LIMCH1: variants seen among roughly 807,000 people sequenced by gnomAD.
The protein encoded by LIMCH1 is LIM and calponin homology domains-containing protein 1.
Under a neutral mutation model 176.5 loss-of-function variants are expected in LIMCH1, and 113 were observed. That is an observed-to-expected ratio of 0.64 (90% CI 0.55 to 0.75). The LOEUF (loss-of-function observed/expected upper bound fraction) is 0.75. Among genes scored for constraint, LIMCH1 ranks in the 30% least tolerant of loss-of-function variants. The pLI is 0.00. For missense variants in LIMCH1, 1,674 were observed against 1,814.9 expected, an observed-to-expected ratio of 0.92 and a Z score of 1.41; for synonymous variants, 619 against 645.9, an observed-to-expected ratio of 0.96 and a Z score of 0.63.
chr4:41,679,109 A>G (rs958809537), intron 23 of LIMCH1, among the ~76,000 whole-genome samples: 1 of 152,210 alleles, frequency 6.6e-6, no homozygotes, highest in Admixed American at 6.5e-5. Flanking sequence ...TGGCTTCCCC[A>G]TGAAGACAGA....
chr4:41,612,888 G>A (rs1313324022), intron 4 of LIMCH1: 31 of 1,221,716 alleles, frequency 2.5e-5, no homozygotes, highest in South Asian at 3.9e-5. Flanking sequence ...GCCTCAGAAA[G>A]ACAGCTCCCT....
chr4:41,413,286 T>C (rs2059647697), intron 1 of LIMCH1, among the ~76,000 whole-genome samples: 5 of 151,590 alleles, frequency 3.3e-5, no homozygotes, highest in African/African-American at 7.3e-5. Context: ...AGTTACCTTA[T>C]GGCCAAATGG....
intron 18 of LIMCH1, among the ~76,000 whole-genome samples, chr4:41,654,073 AAAAAT>A (rs1421360397): frequency 6.6e-6 from 1 of 152,230 alleles, no homozygotes; most frequent in East Asian, 1.9e-4. Flanking sequence ...TTGGTAGGAA[AAAAAT>A]GTTCATAAAG....
chr4:41,376,311 T>C (rs73232186), intron 1 of LIMCH1, among the ~76,000 whole-genome samples: 3,207 of 152,338 alleles, frequency 0.021, 51 homozygotes, highest in Non-Finnish European at 0.033. Flanking sequence ...ATTTGTGTTT[T>C]TAAAGTGTAG....
At chr4:41,622,145 CT>C (rs1006407231) in intron 7 of LIMCH1, among the ~76,000 whole-genome samples, 8 of 151,966 alleles carry the variant, frequency 5.3e-5, no homozygotes, top group African/African-American at 1.9e-4. Flanking sequence ...GTAATAAAAT[CT>C]TTTTTTAAAA....
At chr4:41,476,858 ATTG>A (rs780741322) in intron 1 of LIMCH1, among the ~76,000 whole-genome samples, 38 of 152,342 alleles carry the variant, frequency 2.5e-4, no homozygotes, top group Non-Finnish European at 5.0e-4. Context: ...CCTGACAAAG[ATTG>A]TTATTATTTC....
At chr4:41,482,963 C>T (rs1399128506) in intron 1 of LIMCH1, among the ~76,000 whole-genome samples, 1 of 152,004 alleles carries the variant, frequency 6.6e-6, no homozygotes, top group African/African-American at 2.4e-5. Flanking sequence ...GATGGCTGAG[C>T]TATGATGATA....
chr4:41,620,184 G>A, intron 6 of LIMCH1: 1 of 458,354 alleles, frequency 2.2e-6, no homozygotes, highest in Non-Finnish European at 3.8e-6. Context: ...TACCTTTCCA[G>A]CAGAAAAGGT....
chr4:41,594,245 G>T (rs983892421), intron 1 of LIMCH1, among the ~76,000 whole-genome samples: 1 of 152,188 alleles, frequency 6.6e-6, no homozygotes, highest in African/African-American at 2.4e-5. Flanking sequence ...TGATGGCTTT[G>T]ATTGCCAATT....
At chr4:41,680,693 A>T (rs1714989206) in intron 24 of LIMCH1, among the ~76,000 whole-genome samples, 1 of 152,194 alleles carries the variant, frequency 6.6e-6, no homozygotes, top group Non-Finnish European at 1.5e-5. Flanking sequence ...CCCTAATAGC[A>T]TTTCTAATTA....
chr4:41,696,569 A>T (rs1730821114), intron 31 of LIMCH1, among the ~76,000 whole-genome samples: 1 of 152,220 alleles, frequency 6.6e-6, no homozygotes, highest in Non-Finnish European at 1.5e-5. Flanking sequence ...AAGTCTGTGT[A>T]TGTCCCAAAT....
At chr4:41,530,532 C>T (rs1387169006) in intron 3 of LIMCH1, among the ~76,000 whole-genome samples, 2 of 151,932 alleles carry the variant, frequency 1.3e-5, no homozygotes, top group Admixed American at 1.3e-4. Flanking sequence ...TTTGGCCAGG[C>T]ATGGTGGCTC....
intron 31 of LIMCH1, among the ~76,000 whole-genome samples, chr4:41,696,337 G>T (rs1362353528): frequency 6.6e-6 from 1 of 152,150 alleles, no homozygotes; most frequent in Non-Finnish European, 1.5e-5. Flanking sequence ...TCACTCTTGT[G>T]AAACGCATTT....
At chr4:41,562,816 C>T (rs2082231830) in intron 1 of LIMCH1, among the ~76,000 whole-genome samples, 1 of 152,078 alleles carries the variant, frequency 6.6e-6, no homozygotes, top group Non-Finnish European at 1.5e-5. Context: ...AAATATTGCT[C>T]TTTCTGGGTC....
chr4:41,480,290 G>T (rs2068369617), intron 1 of LIMCH1, among the ~76,000 whole-genome samples: 1 of 112,444 alleles, frequency 8.9e-6, no homozygotes, highest in Admixed American at 7.6e-5. Flanking sequence ...AAGGCTAGCT[G>T]ACAGATGGAC....
chr4:41,476,097 A>G (rs957062736), intron 1 of LIMCH1, among the ~76,000 whole-genome samples: 88 of 152,130 alleles, frequency 5.8e-4, no homozygotes, highest in African/African-American at 1.9e-3. Flanking sequence ...TCAGCCTTTC[A>G]AAGTGCTGGG....
chr4:41,652,607 A>T (rs928913128), intron 18 of LIMCH1, among the ~76,000 whole-genome samples: 6 of 152,190 alleles, frequency 3.9e-5, no homozygotes, highest in African/African-American at 7.2e-5. Flanking sequence ...TTAATTAGAC[A>T]TAGGGGTGGC....
At chr4:41,523,344 A>G (rs1156428411) in intron 2 of LIMCH1, among the ~76,000 whole-genome samples, 3 of 152,192 alleles carry the variant, frequency 2.0e-5, no homozygotes, top group African/African-American at 4.8e-5. Context: ...CTGCAGTTGT[A>G]GCACAAAAGT....
intron 1 of LIMCH1, among the ~76,000 whole-genome samples, chr4:41,584,596 T>C (rs6844955): frequency 0.35 from 52,777 of 152,100 alleles, 14,627 homozygotes; most frequent in African/African-American, 0.77. Context: ...GTATTTTATG[T>C]AGCATTTTCC....
Sources: allele counts gnomAD v4.1 joint callset (sites outside exome capture counted in the v4.1 genomes callset), GRCh38; gene constraint gnomAD v4.1.1; transcripts MANE v1.5; gene names NCBI Gene and HGNC (gene_info 2026-07-23, HGNC 2026-07-21).